Variants in SHANK2 observed in about 807,000 individuals in gnomAD.
SHANK2 encodes SH3 and multiple ankyrin repeat domains protein 2.
In SHANK2, 43 loss-of-function variants were observed where a neutral mutation model predicts 133.7. The observed-to-expected ratio is 0.32, with a 90% CI of 0.25 to 0.41. The LOEUF (loss-of-function observed/expected upper bound fraction) is 0.41. Among genes scored for constraint, SHANK2 ranks in the 10% least tolerant of loss-of-function variants. SHANK2 has a pLI of 1.00. For missense variants in SHANK2, 1,994 were observed against 2,235.8 expected, an observed-to-expected ratio of 0.89 and a Z score of 2.18; for synonymous variants, 1,017 against 952.8, an observed-to-expected ratio of 1.07 and a Z score of -1.24.
intron 17 of SHANK2, among the ~76,000 whole-genome samples, chr11:70,658,057 T>C (rs1281276670): frequency 6.6e-6 from 1 of 152,124 alleles, no homozygotes; most frequent in African/African-American, 2.4e-5. Context: ...GGGGTTGTTC[T>C]TGCATCTGCA....
At chr11:70,715,263 G>A (rs3016185) in intron 14 of SHANK2, among the ~76,000 whole-genome samples, 98 of 152,328 alleles carry the variant, frequency 6.4e-4, no homozygotes, top group African/African-American at 2.3e-3. Flanking sequence ...AATGGGACGG[G>A]CTGTGCCCAG....
chr11:70,493,388 A>G (rs1467228628), intron 21 of SHANK2, among the ~76,000 whole-genome samples: 13 of 151,180 alleles, frequency 8.6e-5, no homozygotes, highest in East Asian at 1.9e-4. Context: ...AAAAAAAAAA[A>G]AAAGAAAACC....
At chr11:70,528,522 A>G (rs554591083) in intron 17 of SHANK2, among the ~76,000 whole-genome samples, 24 of 152,232 alleles carry the variant, frequency 1.6e-4, no homozygotes, top group African/African-American at 4.3e-4. Flanking sequence ...CAAGTTGCCC[A>G]GAGCTCCATT....
intron 2 of SHANK2, among the ~76,000 whole-genome samples, chr11:71,166,296 C>G (rs1032252925): frequency 1.3e-5 from 2 of 152,182 alleles, no homozygotes; most frequent in Non-Finnish European, 2.9e-5. Context: ...GACAGGACCT[C>G]TGAGTGGGAA....
chr11:70,536,426 C>A (rs2059545073), intron 17 of SHANK2, among the ~76,000 whole-genome samples: 1 of 152,318 alleles, frequency 6.6e-6, no homozygotes, highest in African/African-American at 2.4e-5. Flanking sequence ...TGTGGCTGTG[C>A]ACCCCAGGGC....
chr11:71,185,174 C>A (rs1953645337), intron 2 of SHANK2, among the ~76,000 whole-genome samples: 1 of 152,216 alleles, frequency 6.6e-6, no homozygotes, highest in Non-Finnish European at 1.5e-5. Flanking sequence ...TCAGCCAGCA[C>A]TGCCCACACT....
At chr11:70,801,858 T>C (rs2921325) in intron 13 of SHANK2, among the ~76,000 whole-genome samples, 55,138 of 151,964 alleles carry the variant, frequency 0.36, 12,066 homozygotes, top group African/African-American at 0.61. Context: ...TTGGGTGCTC[T>C]GGCTAGAAAA....
intron 3 of SHANK2, among the ~76,000 whole-genome samples, chr11:71,143,600 G>A (rs1445863105): frequency 6.6e-6 from 1 of 152,138 alleles, no homozygotes; most frequent in African/African-American, 2.4e-5. Flanking sequence ...TCCCAGCAAA[G>A]GGCTGAAGTG....
chr11:70,761,215 T>C (rs1279217558), intron 14 of SHANK2, among the ~76,000 whole-genome samples: 1 of 151,810 alleles, frequency 6.6e-6, no homozygotes, highest in Non-Finnish European at 1.5e-5. Context: ...GTGACTGGGG[T>C]GAGATAAGGT....
chr11:70,512,470 T>C (rs1695724032), intron 17 of SHANK2, among the ~76,000 whole-genome samples: 1 of 152,254 alleles, frequency 6.6e-6, no homozygotes. Flanking sequence ...TATAGTATAC[T>C]ATGGTTACTT....
chr11:70,672,004 C>T (rs375198384), intron 15 of SHANK2, among the ~76,000 whole-genome samples: 2 of 152,076 alleles, frequency 1.3e-5, no homozygotes, highest in South Asian at 2.1e-4. Context: ...CCTTAAATCA[C>T]ACTGTATCTC....
intron 14 of SHANK2, among the ~76,000 whole-genome samples, chr11:70,781,287 G>A (rs543583929): frequency 1.1e-4 from 17 of 151,882 alleles, no homozygotes; most frequent in Non-Finnish European, 2.1e-4. Context: ...AGAAACGTCC[G>A]GTTTGAAGCC....
At chr11:70,740,299 G>A (rs1017215440) in intron 14 of SHANK2, among the ~76,000 whole-genome samples, 20 of 152,130 alleles carry the variant, frequency 1.3e-4, no homozygotes, top group African/African-American at 4.6e-4. Context: ...AAGGTTGTCC[G>A]CAATGGGTTC....
intron 1 of SHANK2, among the ~76,000 whole-genome samples, chr11:71,229,770 AAAAAAAAAAAAAG>A (rs1485400872): frequency 1.3e-5 from 2 of 151,386 alleles, no homozygotes; most frequent in African/African-American, 4.8e-5. Context: ...AAAAAGAAAA[AAAAAAAAAAAAAG>A]AAAAAGAAAA....
rs116879342 is a variant in SHANK2, at chr11:70,859,730, C to T, written c.1174+36771G>A. On this transcript the variant is annotated intron_variant, in intron 11 of 25. Coordinates refer to ENST00000601538, the MANE Select transcript of SHANK2 (RefSeq NM_012309.5). ...GCCCTTGAATGTGGTTTGACCTCCA[C>T]GAAGTGAGAAAACATGCCAGGAAGC... 7.9e-3 allele frequency among the ~76,000 whole-genome samples: 1,207 copies of T among 152,274 alleles called. 7 individuals carry two copies. Among genetic ancestry groups the T allele is most frequent in the Non-Finnish European group, 0.012 (848 of 68,028 alleles).
chr11:71,088,188 C>A (rs1000398448), intron 8 of SHANK2, among the ~76,000 whole-genome samples: 1 of 152,150 alleles, frequency 6.6e-6, no homozygotes, highest in Admixed American at 6.5e-5. Context: ...CAAACAGGAT[C>A]CCCGCAGCGG....
chr11:71,099,945 AG>A (rs782735591), intron 6 of SHANK2, among the ~76,000 whole-genome samples: 29 of 151,612 alleles, frequency 1.9e-4, no homozygotes, highest in Admixed American at 3.3e-4. Context: ...GCTACTCAGG[AG>A]GCTGAAGCAG....
intron 14 of SHANK2, among the ~76,000 whole-genome samples, chr11:70,782,790 G>A (rs1947533793): frequency 6.6e-6 from 1 of 152,226 alleles, no homozygotes. Context: ...GGCCTCAGAA[G>A]TAATAAGGGA....
rs75780967 is a variant in SHANK2 at position 70,831,364 on chromosome 11, G to C, written c.1175-10682C>G. On this transcript the variant is annotated intron_variant, in intron 11 of 25. Coordinates refer to ENST00000601538, the MANE Select transcript of SHANK2 (RefSeq NM_012309.5). ...AGTCAGAGTTTCCAGAAAGGAAAAG[G>C]GTCACCCCCAAATGAACCCCAAACT... Among the ~76,000 whole-genome samples the C allele has an allele frequency of 6.5e-3, 982 of 152,222 alleles. 15 individuals are homozygous for C. The highest frequency in any genetic ancestry group is 0.022 in the African/African-American group (920 of 41,538).
Sources: allele counts gnomAD v4.1 joint callset (sites outside exome capture counted in the v4.1 genomes callset), GRCh38; gene constraint gnomAD v4.1.1; transcripts MANE v1.5; gene names NCBI Gene and HGNC (gene_info 2026-07-23, HGNC 2026-07-21).